Variants in TMCO6 observed in about 807,000 individuals in gnomAD.
The protein encoded by TMCO6 is transmembrane and coiled-coil domains 6, also known as transmembrane and coiled-coil domain-containing protein 6.
A neutral mutation model predicts 61.8 loss-of-function variants in TMCO6; 47 were observed. That is an observed-to-expected ratio of 0.76 (90% confidence interval 0.60 to 0.97). TMCO6 has a LOEUF of 0.97. Ranked by LOEUF, TMCO6 falls within the 50% of genes least tolerant of loss-of-function variation. TMCO6 has a pLI of 0.00. For synonymous variants in TMCO6, 261 were observed against 254.2 expected, an observed-to-expected ratio of 1.03 and a Z score of -0.25; for missense variants, 557 against 601.6, an observed-to-expected ratio of 0.93 and a Z score of 0.78.
Position 140,641,772 on chromosome 5 carries a change from C to T in TMCO6, c.306C>T (p.Thr102=), listed in dbSNP as rs769754012. Reference sequence around the variant, plus strand: ...TGCAGCACCCTGAAACACAGCAAACCTTCATCCGGTCAGTGTGGATGGTGT... The same window carrying T: ...TGCAGCACCCTGAAACACAGCAAACTTTCATCCGGTCAGTGTGGATGGTGT... ...RGLQHPETQQ[T]FIRLEGSMRT... The change falls in exon 3 of 12, where the codon ACC becomes ACT. Residue 102 remains threonine (T), a synonymous_variant. Coordinates refer to ENST00000394671, the MANE Select transcript of TMCO6 (RefSeq NM_018502.5). 1 of 1,614,214 alleles carries T rather than the reference C, an allele frequency of 6.2e-7. No homozygotes were observed. Among genetic ancestry groups the T allele is most frequent in the South Asian group, 1.1e-5 (1 of 91,082 alleles).
rs376574572 is a variant in TMCO6, at chr5:140,644,988, G to A, written c.1372G>A (p.Val458Ile). 6.2e-7 allele frequency: 1 copy of A among 1,614,008 alleles called. No homozygotes were observed. Among genetic ancestry groups the A allele is most frequent in the Non-Finnish European group, 8.5e-7 (1 of 1,180,018 alleles). Residue 458 changes from valine to isoleucine, a missense_variant, in exon 12 of 12, where the codon GTT becomes ATT. Transcript: ENST00000394671. ...GAATTTTCTTCCCTGCCCCTAGGCT[G>A]TTCAGGTCTTCCTGCAGCAGTCAGG... ...HLLFLYQPEA[V>I]QVFLQQSGLQ...
At chr5:140,632,558 A>C in the TMCO6 span, 54 of 1,614,124 alleles carry the variant, frequency 3.3e-5, no homozygotes, top group African/African-American at 1.6e-4. This position sits in a 1 kb window ranked among gnomAD's most constrained non-coding sequence, Gnocchi z 6.2. Flanking sequence ...TGGAAAGTGC[A>C]AGTCCTGTGG....
the TMCO6 span, among the ~76,000 whole-genome samples, chr5:140,628,203 A>G: frequency 6.6e-6 from 1 of 151,668 alleles, no homozygotes; most frequent in Non-Finnish European, 1.5e-5. Context: ...CATTTTATGA[A>G]ACCTATCACA....
intron 2 of TMCO6, 120 bp from the exon 3 acceptor site, chr5:140,641,545 T>G: frequency 1.3e-6 from 1 of 764,078 alleles, no homozygotes; most frequent in South Asian, 1.7e-5. Context: ...GTTGCATTAG[T>G]GTGAATGACA....
the TMCO6 span, among the ~76,000 whole-genome samples, chr5:140,625,460 T>C: frequency 2.6e-5 from 4 of 152,184 alleles, no homozygotes; most frequent in Non-Finnish European, 5.9e-5. Context: ...AGCAGATAAC[T>C]ACAAGGCTCA....
chr5:140,644,980 C>A lies in TMCO6; in HGVS notation c.1369-5C>A. ...GGTGTGTTGAATTTTCTTCCCTGCC[C>A]CTAGGCTGTTCAGGTCTTCCTGCAG... On this transcript the variant is annotated splice_region_variant and splice_polypyrimidine_tract_variant and intron_variant, in intron 11 of 11. Transcript: ENST00000394671. The A allele has an allele frequency of 6.2e-7, 1 of 1,614,020 alleles. No homozygotes were observed. The highest frequency in any genetic ancestry group is 2.2e-5 in the East Asian group (1 of 44,882).
chr5:140,607,361 T>C, the TMCO6 span, among the ~76,000 whole-genome samples: 1 of 152,252 alleles, frequency 6.6e-6, no homozygotes, highest in African/African-American at 2.4e-5. Flanking sequence ...TGTTGTAACA[T>C]GTATCAGACG....
intron 2 of TMCO6, chr5:140,640,976 T>G (rs1419070259): frequency 6.5e-6 from 1 of 154,214 alleles, no homozygotes; most frequent in Non-Finnish European, 1.5e-5. Flanking sequence ...ATCAACTTAT[T>G]CCTAGGTCAT....
the TMCO6 span, chr5:140,633,184 C>T: frequency 7.4e-7 from 1 of 1,358,562 alleles, no homozygotes; most frequent in Non-Finnish European, 1.0e-6. Flanking sequence ...GTGAACTCTT[C>T]GGCTGCCTCT....
At chr5:140,607,859 G>A in the TMCO6 span, among the ~76,000 whole-genome samples, 1 of 149,578 alleles carries the variant, frequency 6.7e-6, no homozygotes, top group Non-Finnish European at 1.5e-5. Context: ...GCGCAATCTC[G>A]GTTCACTGCA....
At chr5:140,598,557 T>G in the TMCO6 span, among the ~76,000 whole-genome samples, 1 of 152,224 alleles carries the variant, frequency 6.6e-6, no homozygotes, top group Non-Finnish European at 1.5e-5. Context: ...TCCAAATTAG[T>G]ACAGTATCTT....
At chr5:140,618,446 G>T in the TMCO6 span, among the ~76,000 whole-genome samples, 1 of 152,000 alleles carries the variant, frequency 6.6e-6, no homozygotes, top group Non-Finnish European at 1.5e-5. Context: ...AAAGAAAAAG[G>T]AGCAAAGACA....
chr5:140,599,892 AGCAAG>A, the TMCO6 span, among the ~76,000 whole-genome samples: 1 of 152,060 alleles, frequency 6.6e-6, no homozygotes, highest in South Asian at 2.1e-4. Context: ...TGGGTGACAG[AGCAAG>A]GCTCCATCTC....
the TMCO6 span, among the ~76,000 whole-genome samples, chr5:140,620,095 T>C: frequency 6.6e-6 from 1 of 152,226 alleles, no homozygotes; most frequent in African/African-American, 2.4e-5. Flanking sequence ...TACAGCAGCT[T>C]TATTCATAAT....
downstream of TMCO6, chr5:140,645,795 A>AT: frequency 6.6e-7 from 1 of 1,509,118 alleles, no homozygotes; most frequent in Middle Eastern, 1.7e-4. Flanking sequence ...TATTAAAGAG[A>AT]TATGATCAAA....
At position 140,642,621 on chromosome 5, in the gene TMCO6, T is replaced by C; in HGVS notation, c.639T>C (p.Tyr213=). 1 of 1,614,264 alleles carries C rather than the reference T, an allele frequency of 6.2e-7. No individual in the cohort carries two copies. The highest frequency in any genetic ancestry group is 1.3e-5 in the African/African-American group (1 of 75,072). ...PHVAVLEALG[Y]ALSQLLQAEE... is the part of the protein sequence containing the mutation. Reference sequence around the variant, plus strand: ...TGGCTGTGCTGGAAGCTCTCGGATATGCCTTGTCCCAGCTTCTACAGGCTG... The same window carrying C: ...TGGCTGTGCTGGAAGCTCTCGGATACGCCTTGTCCCAGCTTCTACAGGCTG... Residue 213 remains tyrosine, a synonymous_variant, in exon 6 of 12, where the codon TAT becomes TAC. Transcript: ENST00000394671.
upstream of TMCO6, among the ~76,000 whole-genome samples, chr5:140,637,485 CAA>C (rs1268194686): frequency 1.7e-4 from 26 of 152,044 alleles, no homozygotes; most frequent in African/African-American, 6.0e-4. Flanking sequence ...TTCTGTAAAG[CAA>C]AAATAAAATT....
the TMCO6 span, among the ~76,000 whole-genome samples, chr5:140,605,231 T>C: frequency 2.0e-5 from 3 of 152,214 alleles, no homozygotes; most frequent in African/African-American, 7.2e-5. Flanking sequence ...AGTTTTTTTG[T>C]GAATTCTATG....
chr5:140,633,605 AC>A, the TMCO6 span: 1 of 170,016 alleles, frequency 5.9e-6, no homozygotes, highest in Non-Finnish European at 1.3e-5. Flanking sequence ...ATCTCCTGCC[AC>A]CAAATCCAAG....
Sources: gnomAD v4.1 joint callset for allele counts (sites outside exome capture counted in the v4.1 genomes callset) on GRCh38, gnomAD v4.1.1 for gene constraint, Gnocchi (gnomAD v3.1) non-coding constraint, MANE v1.5 for transcripts, NCBI Gene and HGNC (gene_info 2026-07-23, HGNC 2026-07-21) for gene names.